The following PRH1 variants were observed in gnomAD, a reference collection of about 807,000 sequenced individuals.
PRH1 encodes the protein salivary acidic proline-rich phosphoprotein 1/2.
In PRH1, 7 loss-of-function variants were observed where a neutral mutation model predicts 7.9. The ratio of observed to expected loss-of-function variants is 0.89; its 90% CI spans 0.50 to 1.67. The LOEUF (loss-of-function observed/expected upper bound fraction) is 1.67. Among genes scored for constraint, PRH1 ranks in the 40% most tolerant of loss-of-function variants. The pLI is 0.00. For synonymous variants in PRH1, 45 were observed against 80.8 expected, an observed-to-expected ratio of 0.56 and a Z score of 2.38; for missense variants, 109 against 223.6, an observed-to-expected ratio of 0.49 and a Z score of 3.27.
chr12:11,135,180 C>T (rs1672431929), intron 1 of PRH1, among the ~76,000 whole-genome samples: 1 of 152,094 alleles, frequency 6.6e-6, no homozygotes, highest in Admixed American at 6.6e-5. Flanking sequence ...GTACCAGACC[C>T]TTTGATATAT....
chr12:11,146,677 T>C (rs1312505962), intron 1 of PRH1, among the ~76,000 whole-genome samples: 2 of 152,296 alleles, frequency 1.3e-5, no homozygotes, highest in East Asian at 1.9e-4. Flanking sequence ...TAAAATAATT[T>C]ACATTTTTCT....
At chr12:11,155,248 T>C (rs988237638) in intron 1 of PRH1, among the ~76,000 whole-genome samples, 1 of 152,196 alleles carries the variant, frequency 6.6e-6, no homozygotes, top group South Asian at 2.1e-4. Flanking sequence ...TTGGGTCACT[T>C]GGATCCAAAT....
At chr12:11,057,458 T>G (rs777276252) in intron 1 of PRH1, among the ~76,000 whole-genome samples, 5 of 152,166 alleles carry the variant, frequency 3.3e-5, no homozygotes, top group Non-Finnish European at 7.4e-5. Context: ...TCGTGAACTG[T>G]AGAGTAAGGG....
intron 2 of PRH1, among the ~76,000 whole-genome samples, chr12:10,922,783 T>C (rs911976126): frequency 1.3e-5 from 2 of 151,630 alleles, no homozygotes; most frequent in Non-Finnish European, 2.9e-5. Flanking sequence ...TTGTTAGGTA[T>C]GTCCAAATTC....
At position 10,897,989 on chromosome 12, in the gene PRH1, T is replaced by G. The variant is rs182661802; in HGVS notation, c.-58-13714A>C. Among the ~76,000 whole-genome samples, 8 of 152,354 alleles carry G rather than the reference T, an allele frequency of 5.3e-5. No individual in the cohort carries two copies. The East Asian group carries it at 1.5e-3, about 29-fold the overall frequency. On this transcript the variant is annotated intron_variant, in intron 2 of 3. Coordinates refer to the PRH1 transcript ENST00000539853. The stretch of plus-strand genomic sequence containing the variant: ...GCAATAGAGCATCAGAATAGAATTA[T>G]TTAGCATATGAATGGTATCAATATT...
intron 1 of PRH1, among the ~76,000 whole-genome samples, chr12:11,137,790 ATG>A (rs1356477903): frequency 1.3e-5 from 2 of 152,208 alleles, no homozygotes; most frequent in East Asian, 3.8e-4. Flanking sequence ...TTTCCAAATT[ATG>A]TGTTTAAATA....
chr12:10,969,066 T>G (rs10845259), intron 2 of PRH1, among the ~76,000 whole-genome samples: 36,909 of 152,000 alleles, frequency 0.24, 4,527 homozygotes, highest in Non-Finnish European at 0.25. Context: ...TGGAGAATGG[T>G]AAATGAGGGA....
intron 1 of PRH1, chr12:11,021,906 C>A (rs1941659350): frequency 6.2e-7 from 1 of 1,614,062 alleles, no homozygotes; most frequent in African/African-American, 1.3e-5. Context: ...TTATATGGAC[C>A]TTGGTGCTGG....
chr12:11,031,869 T>C (rs1294231298), intron 1 of PRH1, among the ~76,000 whole-genome samples: 2 of 152,208 alleles, frequency 1.3e-5, no homozygotes, highest in Non-Finnish European at 2.9e-5. Flanking sequence ...CATCTCTCAA[T>C]GTAATATAAC....
chr12:11,023,769 T>C (rs914041779), intron 1 of PRH1, among the ~76,000 whole-genome samples: 2 of 152,218 alleles, frequency 1.3e-5, no homozygotes, highest in Admixed American at 6.5e-5. Context: ...TCAGCCAAAC[T>C]AGCGGCAAGA....
chr12:11,014,563 G>C (rs536188084), intron 1 of PRH1, among the ~76,000 whole-genome samples: 2 of 152,054 alleles, frequency 1.3e-5, no homozygotes, highest in Non-Finnish European at 1.5e-5. Flanking sequence ...CACTTCAAAG[G>C]CTGAAAAACT....
At chr12:11,009,768 T>G (rs909847144) in intron 1 of PRH1, among the ~76,000 whole-genome samples, 1 of 151,934 alleles carries the variant, frequency 6.6e-6, no homozygotes, top group Admixed American at 6.6e-5. Context: ...TCTCCTCATA[T>G]GGAAATTCAA....
chr12:11,066,194 C>A (rs907850937), intron 1 of PRH1, among the ~76,000 whole-genome samples: 2 of 119,940 alleles, frequency 1.7e-5, no homozygotes, highest in South Asian at 4.5e-4. Context: ...AATCCCTATC[C>A]GTGAGTATAG....
intron 2 of PRH1, among the ~76,000 whole-genome samples, chr12:10,916,202 T>C (rs1300927700): frequency 3.3e-5 from 5 of 152,112 alleles, no homozygotes; most frequent in African/African-American, 4.8e-5. Flanking sequence ...TTATTCATTA[T>C]CATAAGAACA....
intron 2 of PRH1, among the ~76,000 whole-genome samples, chr12:10,942,179 T>C (rs1273845823): frequency 6.6e-6 from 1 of 152,162 alleles, no homozygotes; most frequent in Non-Finnish European, 1.5e-5. Context: ...TTTAATGCTC[T>C]ATTTTTGTGT....
intron 1 of PRH1, among the ~76,000 whole-genome samples, chr12:11,144,905 T>C (rs984330248): frequency 2.0e-5 from 3 of 152,222 alleles, no homozygotes; most frequent in Non-Finnish European, 4.4e-5. Flanking sequence ...AGGGTCTCCC[T>C]TTCCTACTCC....
intron 1 of PRH1, chr12:11,030,560 G>A (rs184772091): frequency 1.2e-6 from 2 of 1,614,174 alleles, no homozygotes; most frequent in African/African-American, 1.3e-5. Context: ...CATGAAGACA[G>A]GTTTGTTTTC....
chr12:11,048,615 T>C, upstream of PRH1: 1 of 606,586 alleles, frequency 1.6e-6, no homozygotes, highest in Non-Finnish European at 3.1e-6. Flanking sequence ...GTTGAGATCC[T>C]TTGCCATGGA....
At chr12:10,886,483 A>T (rs1949493952), upstream of PRH1, among the ~76,000 whole-genome samples, 1 of 152,224 alleles carries the variant, frequency 6.6e-6, no homozygotes, top group Non-Finnish European at 1.5e-5. Flanking sequence ...TCAGGAAAGC[A>T]TAAATATCAG....
Sources: gnomAD v4.1 joint callset for allele counts (sites outside exome capture counted in the v4.1 genomes callset) on GRCh38, gnomAD v4.1.1 for gene constraint, MANE v1.5 for transcripts, NCBI Gene and HGNC (gene_info 2026-07-23, HGNC 2026-07-21) for gene names.